Variants in BLTP3A observed in about 807,000 individuals in gnomAD.
BLTP3A encodes the protein ICBP90 binding protein 1.
At chr6:34,860,330 T>C in the BLTP3A span, among the ~76,000 whole-genome samples, 2 of 152,136 alleles carry the variant, frequency 1.3e-5, no homozygotes, top group Non-Finnish European at 2.9e-5. Context: ...AAAGTATCGA[T>C]TTTCCCATGG....
At chr6:34,866,582 AATAC>A in the BLTP3A span, among the ~76,000 whole-genome samples, 1 of 152,170 alleles carries the variant, frequency 6.6e-6, no homozygotes, top group African/African-American at 2.4e-5. Context: ...ATTGTGGTAA[AATAC>A]ATATGAAATT....
chr6:34,852,559 C>T, the BLTP3A span, among the ~76,000 whole-genome samples: 1 of 149,710 alleles, frequency 6.7e-6, no homozygotes, highest in African/African-American at 2.5e-5. Flanking sequence ...CCTCTCCTCT[C>T]CTCTCCTCTC....
chr6:34,863,984 G>T, the BLTP3A span: 224,995 of 1,300,538 alleles, frequency 0.17, 10,996 homozygotes, highest in African/African-American at 0.36. Flanking sequence ...TGTGGTTTTT[G>T]TTTTTTTTTT....
the BLTP3A span, among the ~76,000 whole-genome samples, chr6:34,826,357 C>CTT: frequency 5.2e-4 from 70 of 135,394 alleles, 1 homozygote; most frequent in African/African-American, 1.8e-3. Flanking sequence ...TTACATCCTA[C>CTT]TTTTTTTTTT....
At chr6:34,823,207 C>A in the BLTP3A span, 1 of 1,455,742 alleles carries the variant, frequency 6.9e-7, no homozygotes, top group Non-Finnish European at 9.7e-7. Flanking sequence ...TGTCATTGTG[C>A]TGTGTGTGTA....
At chr6:34,859,621 C>G in the BLTP3A span, 1 of 1,596,896 alleles carries the variant, frequency 6.3e-7, no homozygotes, top group Non-Finnish European at 8.5e-7. Flanking sequence ...TCTCCTAGTT[C>G]TGATCATTGG....
At chr6:34,849,497 G>A in the BLTP3A span, among the ~76,000 whole-genome samples, 30 of 152,124 alleles carry the variant, frequency 2.0e-4, no homozygotes, top group African/African-American at 6.7e-4. Context: ...ACTTTTTGTT[G>A]TTTTTCTATA....
chr6:34,804,185 C>T, the BLTP3A span, among the ~76,000 whole-genome samples: 1 of 152,118 alleles, frequency 6.6e-6, no homozygotes, highest in Non-Finnish European at 1.5e-5. Flanking sequence ...ATATTGGATA[C>T]ACATCTGTAG....
At chr6:34,795,390 T>A in the BLTP3A span, among the ~76,000 whole-genome samples, 2 of 150,136 alleles carry the variant, frequency 1.3e-5, no homozygotes, top group Admixed American at 1.3e-4. Context: ...AACATACAGT[T>A]TTTTTTGTTT....
chr6:34,864,285 G>T, the BLTP3A span: 3 of 1,262,788 alleles, frequency 2.4e-6, no homozygotes, highest in Non-Finnish European at 3.3e-6. Flanking sequence ...GGCTAAAGAG[G>T]AGCTGAGAGA....
At chr6:34,821,419 T>TCTC in the BLTP3A span, 9 of 466,178 alleles carry the variant, frequency 1.9e-5, no homozygotes, top group South Asian at 6.3e-5. Context: ...GGTGTAGAGA[T>TCTC]GGTGTGGTCT....
the BLTP3A span, chr6:34,836,421 A>C: frequency 7.0e-7 from 1 of 1,425,400 alleles, no homozygotes; most frequent in Non-Finnish European, 9.7e-7. Context: ...CCTGGGGATG[A>C]AGGCTCTTTT....
the BLTP3A span, among the ~76,000 whole-genome samples, chr6:34,801,448 A>G: frequency 6.6e-6 from 1 of 152,070 alleles, no homozygotes; most frequent in African/African-American, 2.4e-5. Context: ...CCTTGGAGTA[A>G]GTTCCTTTAG....
chr6:34,859,036 G>C, the BLTP3A span: 1 of 1,614,206 alleles, frequency 6.2e-7, no homozygotes, highest in African/African-American at 1.3e-5. Flanking sequence ...TGTCGATGCT[G>C]ACTCTGCAGG....
At chr6:34,819,778 C>T in the BLTP3A span, among the ~76,000 whole-genome samples, 42 of 152,048 alleles carry the variant, frequency 2.8e-4, 1 homozygote, top group South Asian at 4.4e-3. Flanking sequence ...GAGTGGCTGG[C>T]GAGAGCACAG....
chr6:34,818,885 G>T, the BLTP3A span, among the ~76,000 whole-genome samples: 1 of 152,180 alleles, frequency 6.6e-6, no homozygotes, highest in African/African-American at 2.4e-5. Context: ...ATAAACTTTT[G>T]CACGTCATGA....
At chr6:34,825,349 C>T in the BLTP3A span, among the ~76,000 whole-genome samples, 1 of 151,568 alleles carries the variant, frequency 6.6e-6, no homozygotes, top group Non-Finnish European at 1.5e-5. Context: ...CTTTTGTCGC[C>T]CAGGCTGGGG....
At chr6:34,794,866 C>T in the BLTP3A span, among the ~76,000 whole-genome samples, 1 of 151,584 alleles carries the variant, frequency 6.6e-6, no homozygotes, top group Non-Finnish European at 1.5e-5. Flanking sequence ...CTCACTGCAA[C>T]CTCCAACTAC....
At chr6:34,794,793 T>G in the BLTP3A span, among the ~76,000 whole-genome samples, 3 of 92,914 alleles carry the variant, frequency 3.2e-5, no homozygotes, top group Admixed American at 9.1e-5. Flanking sequence ...TTTTTTTGTT[T>G]TTTTTTTTTT....
Sources: allele counts gnomAD v4.1 joint callset (sites outside exome capture counted in the v4.1 genomes callset), GRCh38; gene constraint gnomAD v4.1.1; transcripts MANE v1.5; gene names NCBI Gene and HGNC (gene_info 2026-07-23, HGNC 2026-07-21).